The following RNF216 variants were observed in gnomAD, a reference collection of about 807,000 sequenced individuals.
RNF216 encodes ring finger protein 216.
Under a neutral mutation model 110.8 loss-of-function variants are expected in RNF216, and 72 were observed. That is an observed-to-expected ratio of 0.65 (90% confidence interval 0.54 to 0.79). The LOEUF (loss-of-function observed/expected upper bound fraction) is 0.79, where lower values mean the gene tolerates loss of function less well. Ranked by LOEUF, RNF216 falls within the 30% of genes least tolerant of loss-of-function variation. The pLI is 0.00. For missense variants in RNF216, 1,342 were observed against 1,141.2 expected, an observed-to-expected ratio of 1.18 and a Z score of -2.54; for synonymous variants, 495 against 407.5, an observed-to-expected ratio of 1.21 and a Z score of -2.59.
chr7:5,718,719 T>G (rs1793224100), intron 9 of RNF216, among the ~76,000 whole-genome samples: 1 of 152,012 alleles, frequency 6.6e-6, no homozygotes, highest in South Asian at 2.1e-4. Flanking sequence ...CCCAGCTAAT[T>G]TATTTTTAGT....
chr7:5,755,975 T>C (rs2128666798), intron 2 of RNF216, among the ~76,000 whole-genome samples: 1 of 45,160 alleles, frequency 2.2e-5, no homozygotes, highest in Non-Finnish European at 9.2e-5. Context: ...ATACTGTCTA[T>C]AGATTGATAT....
intron 1 of RNF216, among the ~76,000 whole-genome samples, chr7:5,764,894 C>T (rs899069132): frequency 2.6e-5 from 4 of 151,428 alleles, no homozygotes; most frequent in African/African-American, 9.7e-5. Context: ...TTGGTGAGAC[C>T]CCATCTCTAC....
At chr7:5,636,224 T>C (rs1018243689) in intron 15 of RNF216, among the ~76,000 whole-genome samples, 3 of 152,218 alleles carry the variant, frequency 2.0e-5, no homozygotes, top group Admixed American at 6.5e-5. Context: ...TTCACTTATG[T>C]GTCAAGAGCT....
At chr7:5,777,782 T>A (rs1361552178) in intron 1 of RNF216, among the ~76,000 whole-genome samples, 1 of 152,248 alleles carries the variant, frequency 6.6e-6, no homozygotes, top group African/African-American at 2.4e-5. Flanking sequence ...GCTCTAAGAA[T>A]CCTATTATCT....
Position 5,651,045 on chromosome 7 carries a change from G to A in RNF216, c.2159+1368C>T, listed in dbSNP as rs115605388. Reference sequence around the variant, plus strand: ...CAATCTAGACCAATGCGATACGAGCGGAAGTGAGATATATGTATATAATTC... The same window carrying A: ...CAATCTAGACCAATGCGATACGAGCAGAAGTGAGATATATGTATATAATTC... On this transcript the variant is annotated intron_variant, in intron 14 of 16. Transcript: ENST00000389902. Among the ~76,000 whole-genome samples the A allele has an allele frequency of 1.6e-3, 244 of 152,258 alleles. 1 individual carries two copies. Among genetic ancestry groups the A allele is most frequent in the African/African-American group, 5.6e-3 (232 of 41,554 alleles).
At chr7:5,633,473 G>A (rs1787202848) in intron 15 of RNF216, among the ~76,000 whole-genome samples, 1 of 152,026 alleles carries the variant, frequency 6.6e-6, no homozygotes, top group South Asian at 2.1e-4. Context: ...TACTCAGGAG[G>A]GTGAGGCAGG....
chr7:5,757,318 G>A (rs1369220796), intron 2 of RNF216, among the ~76,000 whole-genome samples: 1 of 152,122 alleles, frequency 6.6e-6, no homozygotes, highest in Non-Finnish European at 1.5e-5. Flanking sequence ...TCTTCTCAGT[G>A]CACTGAATCT....
At chr7:5,629,905 A>G (rs891870526) in intron 15 of RNF216, among the ~76,000 whole-genome samples, 20 of 151,872 alleles carry the variant, frequency 1.3e-4, no homozygotes, top group African/African-American at 4.4e-4. Flanking sequence ...CTAGTCCCTC[A>G]TAAGATACTT....
intron 2 of RNF216, among the ~76,000 whole-genome samples, chr7:5,758,212 C>T (rs1472912224): frequency 1.3e-5 from 2 of 152,054 alleles, no homozygotes; most frequent in Non-Finnish European, 2.9e-5. Flanking sequence ...TATACATGTA[C>T]AGAAAATTTT....
chr7:5,774,516 G>C (rs894151192), intron 1 of RNF216, among the ~76,000 whole-genome samples: 11 of 152,172 alleles, frequency 7.2e-5, no homozygotes, highest in Admixed American at 3.3e-4. Flanking sequence ...TTTTAGCACA[G>C]TGCCTGATAT....
At chr7:5,748,693 T>C (rs975648558) in intron 3 of RNF216, among the ~76,000 whole-genome samples, 5 of 151,372 alleles carry the variant, frequency 3.3e-5, no homozygotes, top group Non-Finnish European at 7.4e-5. Flanking sequence ...ACCATGTTAT[T>C]GGTCAACAGT....
Position 5,645,267 on chromosome 7 carries a change from T to C in RNF216, c.2160-3891A>G, listed in dbSNP as rs114135879. Among the ~76,000 whole-genome samples, 861 of 152,186 alleles carry C rather than the reference T, an allele frequency of 5.7e-3. 7 individuals are homozygous for C. Among genetic ancestry groups the C allele is most frequent in the African/African-American group, 0.02 (813 of 41,458 alleles). ...CATTCAGCTTCTTGGATGTATAGAC[T>C]CTTGTTCTTCATCAGATTTGGGAAG... On this transcript the variant is annotated intron_variant, in intron 14 of 16. Transcript: ENST00000389902.
At position 5,621,162 on chromosome 7, in the gene RNF216, G is replaced by A. The variant is rs527502124; in HGVS notation, c.*1698C>T. 3.6e-5 allele frequency: 5 copies of A among 139,436 alleles called. No individual in the cohort carries two copies. In the East Asian group the frequency reaches 1.0e-3, roughly 29 times the overall value. 8.6% of individuals were successfully genotyped at this position (139,436 alleles called of 1,614,324 possible). A position where few individuals can be genotyped will look rare whatever the true frequency, so the allele number is the denominator to read the frequency against. ...ATCCTGGGCAAAGGCAGAAAGAATG[G>A]GTATCTTAGTTTTTTTTTTTTTTTT... On this transcript the variant is annotated 3_prime_UTR_variant, in exon 17 of 17. Transcript: ENST00000389902.
At chr7:5,739,864 G>A (rs1794654420) in intron 4 of RNF216, among the ~76,000 whole-genome samples, 1 of 151,736 alleles carries the variant, frequency 6.6e-6, no homozygotes, top group Non-Finnish European at 1.5e-5. Flanking sequence ...TTAGCCAGAC[G>A]TGGTGGTATG....
At chr7:5,717,104 A>G (rs1350260426) in intron 9 of RNF216, among the ~76,000 whole-genome samples, 2 of 152,248 alleles carry the variant, frequency 1.3e-5, no homozygotes, top group Non-Finnish European at 2.9e-5. Flanking sequence ...CTGTAATCCC[A>G]GCACTTTGGA....
intron 14 of RNF216, among the ~76,000 whole-genome samples, chr7:5,648,836 A>G (rs557743867): frequency 6.6e-6 from 1 of 152,294 alleles, no homozygotes; most frequent in South Asian, 2.1e-4. Context: ...CAGGCCAATT[A>G]TCAAATGCAA....
intron 1 of RNF216, among the ~76,000 whole-genome samples, chr7:5,767,268 G>A (rs1796253856): frequency 6.6e-6 from 1 of 152,216 alleles, no homozygotes; most frequent in African/African-American, 2.4e-5. Flanking sequence ...ATCAGGAGAT[G>A]ACACATTCAT....
chr7:5,721,114 C>T lies in RNF216; in HGVS notation c.1563G>A (p.Arg521=). The T allele has an allele frequency of 6.2e-7, 1 of 1,613,960 alleles. No individual in the cohort carries two copies. Among genetic ancestry groups the T allele is most frequent in the South Asian group, 1.1e-5 (1 of 91,078 alleles). ...FFLENKRRHC[R]SYDRRALLPA... ...GAAGGAGAGCACGTCGGTCATAGGACCTACAATGTCGTCGCTTATTTTCAA... is the reference window on the plus strand; with the variant it reads ...GAAGGAGAGCACGTCGGTCATAGGATCTACAATGTCGTCGCTTATTTTCAA... Residue 521 remains arginine, a synonymous_variant, in exon 9 of 17, where the codon AGG becomes AGA. Coordinates refer to ENST00000389902, the MANE Select transcript of RNF216 (RefSeq NM_207111.4).
chr7:5,737,264 G>A (rs1052051725), intron 5 of RNF216, among the ~76,000 whole-genome samples: 8 of 152,140 alleles, frequency 5.3e-5, no homozygotes, highest in Admixed American at 5.2e-4. Flanking sequence ...TGTCCACTCA[G>A]GGTTAAATGG....
Sources: allele counts gnomAD v4.1 joint callset (sites outside exome capture counted in the v4.1 genomes callset), GRCh38; gene constraint gnomAD v4.1.1; transcripts MANE v1.5; gene names NCBI Gene and HGNC (gene_info 2026-07-23, HGNC 2026-07-21).